FOCAD: variants seen among roughly 807,000 people sequenced by gnomAD.
The protein encoded by FOCAD is focadhesin.
A neutral mutation model predicts 225.6 loss-of-function variants in FOCAD; 198 were observed. The ratio of observed to expected loss-of-function variants is 0.88; its 90% confidence interval spans 0.78 to 0.99. The LOEUF (loss-of-function observed/expected upper bound fraction) is 0.99. Ranked by LOEUF, FOCAD falls within the 50% of genes least tolerant of loss-of-function variation. The probability of loss-of-function intolerance (pLI) is 0.00; values close to 1 mark genes in which losing one functional copy is unlikely to be tolerated. For missense variants in FOCAD, 2,713 were observed against 2,123.6 expected (o/e 1.28, Z -5.46); for synonymous variants, 897 against 755.0 (o/e 1.19, Z -3.08).
chr9:20,964,541 A>G (rs1486644199), intron 35 of FOCAD, among the ~76,000 whole-genome samples: 1 of 152,038 alleles, frequency 6.6e-6, no homozygotes, highest in Non-Finnish European at 1.5e-5. Flanking sequence ...TTGAGCATCA[A>G]CATTTTTTTT....
intron 15 of FOCAD, among the ~76,000 whole-genome samples, chr9:20,825,291 C>T (rs1180122017): frequency 2.0e-5 from 3 of 151,830 alleles, no homozygotes; most frequent in Admixed American, 6.6e-5. Context: ...ACTGGGGGCT[C>T]ATCTTTTGTT....
chr9:20,796,094 T>C (rs916944075), intron 11 of FOCAD, among the ~76,000 whole-genome samples: 1 of 152,048 alleles, frequency 6.6e-6, no homozygotes, highest in African/African-American at 2.4e-5. Context: ...GATAGTTTGC[T>C]GAGAATGATG....
intron 18 of FOCAD, 116 bp downstream of exon 18, chr9:20,867,128 G>A: frequency 1.7e-6 from 1 of 605,572 alleles, no homozygotes; most frequent in Middle Eastern, 2.6e-4. Flanking sequence ...TAGATCTGTT[G>A]TCCATGCAAG....
intron 11 of FOCAD, among the ~76,000 whole-genome samples, chr9:20,803,064 T>C (rs937043626): frequency 3.3e-5 from 5 of 152,160 alleles, no homozygotes; most frequent in African/African-American, 7.2e-5. Flanking sequence ...CATTTTACTT[T>C]ATATGTATTT....
intron 29 of FOCAD, among the ~76,000 whole-genome samples, chr9:20,945,721 C>T (rs1213056240): frequency 6.6e-6 from 1 of 152,144 alleles, no homozygotes; most frequent in Non-Finnish European, 1.5e-5. Context: ...GTTTTTATAA[C>T]TGATGCATCT....
chr9:20,981,269 T>C (rs1840674646), intron 37 of FOCAD, among the ~76,000 whole-genome samples, 157 bp from the exon 38 acceptor site: 2 of 152,140 alleles, frequency 1.3e-5, no homozygotes, highest in East Asian at 3.9e-4. Context: ...TGGTGGCCCA[T>C]TGGACCGTGA....
intron 27 of FOCAD, among the ~76,000 whole-genome samples, chr9:20,931,306 G>A (rs4977822): frequency 0.61 from 92,439 of 151,944 alleles, 28,759 homozygotes; most frequent in South Asian, 0.7. Context: ...AATAACTACA[G>A]ATTTTAACTT....
In FOCAD at chr9:20,862,560, T is replaced by C. The variant is rs1828869445; in HGVS notation, c.1921-18T>C. 3 of 1,611,782 alleles carry C rather than the reference T, an allele frequency of 1.9e-6. No individual in the cohort carries two copies. The East Asian group carries it at 6.7e-5, about 36-fold the overall frequency. On this transcript the variant is annotated intron_variant, in intron 15 of 43. Transcript: ENST00000338382. ...TTGGAGTCTTGTTAGGTGTTGACCTTTTCTATTTGCTTCACAGGTTGTTTG... is the reference window on the plus strand; with the variant it reads ...TTGGAGTCTTGTTAGGTGTTGACCTCTTCTATTTGCTTCACAGGTTGTTTG...
At chr9:20,907,960 T>TC (rs1411451468) in intron 22 of FOCAD, among the ~76,000 whole-genome samples, 1 of 152,100 alleles carries the variant, frequency 6.6e-6, no homozygotes. Flanking sequence ...GGACAGGAGC[T>TC]CTGTTGTCTC....
chr9:20,664,996 C>T (rs1273295088), intron 2 of FOCAD, among the ~76,000 whole-genome samples: 3 of 151,678 alleles, frequency 2.0e-5, no homozygotes, highest in Non-Finnish European at 4.4e-5. Flanking sequence ...TAGTATTCTG[C>T]CTTATGACGA....
intron 33 of FOCAD, among the ~76,000 whole-genome samples, chr9:20,950,589 A>G (rs1281609899): frequency 6.6e-6 from 1 of 152,220 alleles, no homozygotes; most frequent in African/African-American, 2.4e-5. Flanking sequence ...GCAGTAGAGC[A>G]TAATTTACAG....
At chr9:20,709,374 A>T (rs1306493981) in intron 1 of FOCAD, among the ~76,000 whole-genome samples, 1 of 152,202 alleles carries the variant, frequency 6.6e-6, no homozygotes, top group African/African-American at 2.4e-5. Flanking sequence ...TCCTTTTAGT[A>T]AAATGGCATG....
At chr9:20,749,111 A>G (rs1055708483) in intron 5 of FOCAD, among the ~76,000 whole-genome samples, 5 of 152,060 alleles carry the variant, frequency 3.3e-5, no homozygotes, top group Admixed American at 3.3e-4. Context: ...CCAACCAATT[A>G]CTTTGTACTT....
At chr9:20,943,754 G>A (rs1330699348) in intron 28 of FOCAD, among the ~76,000 whole-genome samples, 1 of 152,186 alleles carries the variant, frequency 6.6e-6, no homozygotes, top group Non-Finnish European at 1.5e-5. Context: ...GGCAAGGCAA[G>A]CCAGAGTAAG....
intron 35 of FOCAD, among the ~76,000 whole-genome samples, chr9:20,965,956 C>A (rs1741066608): frequency 6.6e-6 from 1 of 151,992 alleles, no homozygotes; most frequent in Admixed American, 6.6e-5. Context: ...GTTGTTTCTA[C>A]CTTTTGGCTA....
rs796469322 is a variant in FOCAD, at chr9:20,815,397, G to A, written c.1456-4399G>A. On this transcript the variant is annotated intron_variant, in intron 11 of 43. Coordinates refer to ENST00000338382, the MANE Select transcript of FOCAD (RefSeq NM_001375567.1). ...TGATCTCAGGTGATCCTAACACCTC[G>A]GCCTCCCAAAGTGTTGGGATTACAG... Among the ~76,000 whole-genome samples the A allele has an allele frequency of 5.4e-4, 82 of 150,548 alleles. 1 individual carries two copies. The South Asian group carries it at 9.9e-3, about 18-fold the overall frequency.
chr9:20,891,900 G>T (rs1445016476), intron 21 of FOCAD, among the ~76,000 whole-genome samples: 1 of 152,170 alleles, frequency 6.6e-6, no homozygotes, highest in Non-Finnish European at 1.5e-5. Flanking sequence ...AGAAGTCAGT[G>T]CCTGAAGGAC....
chr9:20,712,993 A>G (rs531884896), intron 1 of FOCAD, among the ~76,000 whole-genome samples: 2 of 152,178 alleles, frequency 1.3e-5, no homozygotes, highest in South Asian at 2.1e-4. Context: ...TCAGCCTCCC[A>G]AAGTGCTGGG....
chr9:20,720,645 G>T (rs978381357), intron 4 of FOCAD, 111 bp downstream of exon 4: 3 of 1,084,072 alleles, frequency 2.8e-6, no homozygotes, highest in Non-Finnish European at 4.0e-6. Flanking sequence ...TGTTTTTCTT[G>T]CTCTTAAAAT....
Sources: gnomAD v4.1 joint callset for allele counts (sites outside exome capture counted in the v4.1 genomes callset) on GRCh38, gnomAD v4.1.1 for gene constraint, MANE v1.5 for transcripts, NCBI Gene and HGNC (gene_info 2026-07-23, HGNC 2026-07-21) for gene names.